GSE1: variants seen among roughly 807,000 people sequenced by gnomAD.
The protein encoded by GSE1 is genetic suppressor element 1.
GSE1 carries 32 observed loss-of-function variants against 112.6 expected under a neutral mutation model. That is an observed-to-expected ratio of 0.28 (90% CI 0.21 to 0.38). The LOEUF is 0.38. Ranked by LOEUF, GSE1 falls within the 10% of genes least tolerant of loss-of-function variation. The pLI, the probability that GSE1 is intolerant of heterozygous loss-of-function variation, is 1.00. For synonymous variants in GSE1, 1,115 were observed against 735.6 expected (o/e 1.52, Z -8.35); for missense variants, 2,348 against 1,699.2 (o/e 1.38, Z -6.71).
chr16:85,170,088 C>T (rs1476007168), exon 1 of GSE1: 17 of 984,978 alleles, frequency 1.7e-5, no homozygotes, highest in Non-Finnish European at 1.8e-5. Flanking sequence ...CCGACCCGCC[C>T]GCGCGGGACG....
chr16:85,615,887 G>A (rs1421283884), intron 1 of GSE1, among the ~76,000 whole-genome samples: 1 of 152,234 alleles, frequency 6.6e-6, no homozygotes, highest in Non-Finnish European at 1.5e-5. Flanking sequence ...TACACACTGG[G>A]GGTAGGAACA....
intron 1 of GSE1, among the ~76,000 whole-genome samples, chr16:85,235,556 A>G (rs1239219479): frequency 1.2e-5 from 1 of 81,674 alleles, no homozygotes; most frequent in African/African-American, 4.7e-5. Flanking sequence ...TGATAAAGGG[A>G]CTATATGTGT....
At chr16:85,210,700 G>C (rs547946310) in intron 1 of GSE1, among the ~76,000 whole-genome samples, 1 of 152,210 alleles carries the variant, frequency 6.6e-6, no homozygotes, top group Non-Finnish European at 1.5e-5. Flanking sequence ...GTTGAGGCTG[G>C]GAGGAATTTG....
At chr16:85,655,052 CCTGG>C in intron 5 of GSE1, 61 bp downstream of exon 5, 1 of 1,084,218 alleles carries the variant, frequency 9.2e-7, no homozygotes, top group Non-Finnish European at 1.4e-6. Context: ...CAAGATGGAA[CCTGG>C]CGGGGAAGGT....
chr16:85,556,832 G>A (rs370388653), intron 1 of GSE1, among the ~76,000 whole-genome samples: 1 of 137,418 alleles, frequency 7.3e-6, no homozygotes, highest in Admixed American at 7.2e-5. Flanking sequence ...AGCGTGGCTC[G>A]CCGGCCCCCC....
intron 2 of GSE1, among the ~76,000 whole-genome samples, chr16:85,458,106 G>A (rs1258107338): frequency 1.3e-5 from 2 of 152,158 alleles, no homozygotes; most frequent in South Asian, 2.1e-4. Flanking sequence ...AATCTGCTCC[G>A]GGCTTCCTCA....
chr16:85,255,951 G>C (rs952392265), intron 1 of GSE1, among the ~76,000 whole-genome samples: 16 of 151,802 alleles, frequency 1.1e-4, no homozygotes, highest in Non-Finnish European at 2.1e-4. Flanking sequence ...GCCTCCCAAA[G>C]TGCTGGGAAT....
At chr16:85,360,543 G>A (rs1414213046) in intron 2 of GSE1, among the ~76,000 whole-genome samples, 1 of 152,142 alleles carries the variant, frequency 6.6e-6, no homozygotes, top group South Asian at 2.1e-4. Context: ...GTGACTAATG[G>A]TTTATTACAC....
intron 2 of GSE1, among the ~76,000 whole-genome samples, chr16:85,459,191 GAAC>G (rs1159988084): frequency 6.6e-6 from 1 of 152,184 alleles, no homozygotes; most frequent in Non-Finnish European, 1.5e-5. Context: ...ATTCTATCTA[GAAC>G]AACCACCGTG....
intron 12 of GSE1, among the ~76,000 whole-genome samples, chr16:85,665,463 G>A (rs1185216907): frequency 6.6e-6 from 1 of 152,182 alleles, no homozygotes; most frequent in African/African-American, 2.4e-5. Context: ...GAGGGAGGGC[G>A]TGCTCCAGCC....
intron 1 of GSE1, among the ~76,000 whole-genome samples, chr16:85,625,343 C>G (rs959262454): frequency 6.6e-6 from 1 of 152,230 alleles, no homozygotes. Context: ...AGTCCGTGGC[C>G]GTGAACCTCA....
At chr16:85,492,951 C>T (rs2051056638) in intron 2 of GSE1, among the ~76,000 whole-genome samples, 1 of 152,074 alleles carries the variant, frequency 6.6e-6, no homozygotes, top group South Asian at 2.1e-4. Context: ...TTGGGGTTGG[C>T]GATACACGTC....
chr16:85,235,442 G>C (rs921212871), intron 1 of GSE1, among the ~76,000 whole-genome samples: 11 of 149,130 alleles, frequency 7.4e-5, no homozygotes, highest in African/African-American at 1.8e-4. Context: ...GTGTGTGTGT[G>C]TGTGTGTGTG....
intron 1 of GSE1, among the ~76,000 whole-genome samples, chr16:85,186,500 G>A (rs1196464949): frequency 6.6e-6 from 1 of 152,018 alleles, no homozygotes; most frequent in Admixed American, 6.5e-5. Flanking sequence ...CTACTAGAGA[G>A]GCTGAGGCAG....
chr16:85,529,817 T>C (rs1292980106), intron 2 of GSE1, among the ~76,000 whole-genome samples: 2 of 152,220 alleles, frequency 1.3e-5, no homozygotes, highest in East Asian at 3.8e-4. Flanking sequence ...TCCTGATTAC[T>C]GGGAAACAGG....
chr16:85,650,838 G>T (rs961088311), intron 3 of GSE1, among the ~76,000 whole-genome samples: 1 of 151,716 alleles, frequency 6.6e-6, no homozygotes, highest in East Asian at 1.9e-4. Flanking sequence ...CCGAGGCTGC[G>T]GACGTGGGTG....
intron 2 of GSE1, among the ~76,000 whole-genome samples, chr16:85,431,424 C>T (rs1390327065): frequency 6.6e-6 from 1 of 152,202 alleles, no homozygotes; most frequent in Non-Finnish European, 1.5e-5. Context: ...GCAACTAATG[C>T]GAAAATACAA....
intron 1 of GSE1, among the ~76,000 whole-genome samples, chr16:85,277,940 G>C (rs1445183784): frequency 1.3e-5 from 2 of 152,228 alleles, no homozygotes; most frequent in Non-Finnish European, 2.9e-5. Context: ...GGGGTCAGCG[G>C]GTCCCTAGAG....
chr16:85,235,102 C>G (rs1033825624), intron 1 of GSE1, among the ~76,000 whole-genome samples: 18 of 151,816 alleles, frequency 1.2e-4, no homozygotes, highest in Admixed American at 9.2e-4. Context: ...GGGCAGGGGT[C>G]CTAGGGGCCC....
Sources: allele counts gnomAD v4.1 joint callset (sites outside exome capture counted in the v4.1 genomes callset), GRCh38; gene constraint gnomAD v4.1.1; transcripts MANE v1.5; gene names NCBI Gene and HGNC (gene_info 2026-07-23, HGNC 2026-07-21).